The following ABTB2 variants were observed in gnomAD, a reference collection of about 807,000 sequenced individuals.
ABTB2 encodes the protein ankyrin repeat and BTB/POZ domain-containing protein 2.
In ABTB2, 56 loss-of-function variants were observed where a neutral mutation model predicts 104.1. The observed-to-expected ratio is 0.54, with a 90% confidence interval of 0.43 to 0.67. ABTB2 has a LOEUF of 0.67. ABTB2 is among the 30% of genes least tolerant of loss of function. The pLI, the probability that ABTB2 is intolerant of heterozygous loss-of-function variation, is 0.00. For missense variants in ABTB2, 1,279 were observed against 1,407.7 expected, an observed-to-expected ratio of 0.91 and a Z score of 1.46; for synonymous variants, 606 against 608.2, an observed-to-expected ratio of 1.00 and a Z score of 0.05.
chr11:34,316,249 C>T (rs1854928615), intron 1 of ABTB2, among the ~76,000 whole-genome samples: 1 of 152,242 alleles, frequency 6.6e-6, no homozygotes, highest in Non-Finnish European at 1.5e-5. Context: ...CTGGCCATCA[C>T]AGTGGCACGG....
intron 1 of ABTB2, among the ~76,000 whole-genome samples, chr11:34,279,294 G>A (rs1392924702): frequency 6.6e-6 from 1 of 152,124 alleles, no homozygotes; most frequent in African/African-American, 2.4e-5. Flanking sequence ...TAGAGATGGG[G>A]TCTTGCTATG....
rs191023137 is a variant in ABTB2 at position 34,172,948 on chromosome 11, C to T, written c.1397+207G>A. Among the ~76,000 whole-genome samples, 12 of 152,330 alleles carry T rather than the reference C, an allele frequency of 7.9e-5. No homozygotes were observed. The East Asian group carries it at 2.1e-3, about 27-fold the overall frequency. ...GTAGCAGACCAGCAGCTGCAGGAGA[C>T]GTTTCCAGACAGCAGCCAAAGTCTA... On this transcript the variant is annotated intron_variant, in intron 4 of 16. Coordinates refer to ENST00000435224, the MANE Select transcript of ABTB2 (RefSeq NM_145804.3).
intron 1 of ABTB2, among the ~76,000 whole-genome samples, chr11:34,260,219 G>C (rs1455724188): frequency 1.3e-5 from 2 of 152,184 alleles, no homozygotes; most frequent in Non-Finnish European, 2.9e-5. Flanking sequence ...ACCGTTCAGC[G>C]CTTGGAGGCT....
At chr11:34,272,054 G>A (rs1185814633) in intron 1 of ABTB2, among the ~76,000 whole-genome samples, 1 of 152,054 alleles carries the variant, frequency 6.6e-6, no homozygotes, top group Non-Finnish European at 1.5e-5. Flanking sequence ...CTACCCAGTG[G>A]TCATACTACT....
chr11:34,193,781 C>T (rs1257800978), intron 3 of ABTB2, among the ~76,000 whole-genome samples: 1 of 152,262 alleles, frequency 6.6e-6, no homozygotes, highest in African/African-American at 2.4e-5. Flanking sequence ...GCCCCAAAGC[C>T]TGTACTGTTT....
chr11:34,299,386 T>C (rs1487099886), intron 1 of ABTB2, among the ~76,000 whole-genome samples: 2 of 152,200 alleles, frequency 1.3e-5, no homozygotes, highest in African/African-American at 4.8e-5. Context: ...AAGCAAGACG[T>C]TCCTCTGATG....
intron 1 of ABTB2, among the ~76,000 whole-genome samples, chr11:34,235,801 C>A (rs1180966537): frequency 1.1e-4 from 17 of 152,206 alleles, no homozygotes; most frequent in Admixed American, 1.0e-3. Flanking sequence ...CATTAATTAG[C>A]TGCAGGAGGT....
intron 4 of ABTB2, among the ~76,000 whole-genome samples, chr11:34,172,232 C>T (rs10768049): frequency 0.4 from 60,451 of 150,966 alleles, 13,005 homozygotes; most frequent in East Asian, 0.74. Flanking sequence ...ACTACCCAGA[C>T]GTGGTGGTGC....
Position 34,165,393 on chromosome 11 carries a change from G to A in ABTB2, c.1756-37C>T, listed in dbSNP as rs58790884. 1,832 of 1,543,862 alleles carry A rather than the reference G, an allele frequency of 1.2e-3. 18 individuals are homozygous for A. The African/African-American group carries it at 0.022, about 19-fold the overall frequency. Reference sequence around the variant, plus strand: ...ACAGAGGAGGAGGGCACTGCTCAGCGTGGCAGGGAGCACCTGGGAAGGGCC... The same window carrying A: ...ACAGAGGAGGAGGGCACTGCTCAGCATGGCAGGGAGCACCTGGGAAGGGCC... On this transcript the variant is annotated intron_variant, in intron 7 of 16. Transcript: ENST00000435224.
intron 1 of ABTB2, among the ~76,000 whole-genome samples, chr11:34,289,329 G>A (rs145364243): frequency 2.7e-3 from 415 of 152,280 alleles, no homozygotes; most frequent in Middle Eastern, 6.8e-3. Flanking sequence ...TCAGGAGTTC[G>A]CCATGGCACA....
At chr11:34,302,183 T>A (rs1854714822) in intron 1 of ABTB2, among the ~76,000 whole-genome samples, 1 of 152,218 alleles carries the variant, frequency 6.6e-6, no homozygotes, top group Non-Finnish European at 1.5e-5. Flanking sequence ...CAGTTTCTTG[T>A]CTCCACCCTC....
intron 4 of ABTB2, 40 bp downstream of exon 4, chr11:34,173,115 G>A (rs777741392): frequency 2.5e-6 from 4 of 1,612,272 alleles, no homozygotes; most frequent in South Asian, 2.2e-5. Flanking sequence ...CTGGGGGCAG[G>A]TCATGGATGC....
At position 34,204,677 on chromosome 11, in the gene ABTB2, G is replaced by A; in HGVS notation, c.897C>T (p.Leu299=). 1 of 1,613,326 alleles carries A rather than the reference G, an allele frequency of 6.2e-7. No individual in the cohort carries two copies. Among genetic ancestry groups the A allele is most frequent in the Non-Finnish European group, 8.5e-7 (1 of 1,179,728 alleles). Residue 299 remains leucine, a synonymous_variant, in exon 2 of 17, where the codon CTC becomes CTT. Coordinates refer to ENST00000435224, the MANE Select transcript of ABTB2 (RefSeq NM_145804.3). ...CGKNANGVLS[L]PAYFSPYNGG... ...CGTTGTAGGGGCTGAAGTATGCGGG[G>A]AGGGAGAGGACACCTATGGGGAAAG...
At position 34,152,153 on chromosome 11, in the gene ABTB2, T is replaced by G. The variant is rs1426403693; in HGVS notation, c.*234A>C. On this transcript the variant is annotated 3_prime_UTR_variant, in exon 17 of 17. Transcript: ENST00000435224. The stretch of plus-strand genomic sequence containing the variant: ...GCTGCCCTTGAGTTGCAAACTGAGA[T>G]GGGGAGGAGGGCCACCAGTTAGCTA... 1.8e-6 allele frequency: 1 copy of G among 543,198 alleles called. No homozygotes were observed. The highest frequency in any genetic ancestry group is 3.3e-6 in the Non-Finnish European group (1 of 302,774). 33.6% of individuals were successfully genotyped at this position (543,198 alleles called of 1,614,324 possible).
intron 1 of ABTB2, among the ~76,000 whole-genome samples, chr11:34,240,126 T>A (rs575467078): frequency 3.3e-5 from 5 of 152,206 alleles, no homozygotes; most frequent in Admixed American, 6.5e-5. Flanking sequence ...CCCATTTTTT[T>A]CCCCTGGGTT....
chr11:34,213,045 T>C, intron 1 of ABTB2, among the ~76,000 whole-genome samples: 1 of 152,172 alleles, frequency 6.6e-6, no homozygotes, highest in Admixed American at 6.6e-5. Flanking sequence ...CCTCTTGGAA[T>C]CCTTTGGGCC....
chr11:34,341,733 A>G (rs931128675), intron 1 of ABTB2, among the ~76,000 whole-genome samples: 14 of 152,164 alleles, frequency 9.2e-5, no homozygotes, highest in African/African-American at 3.1e-4. Context: ...GCACCACAAG[A>G]TGGAAGTTCT....
At chr11:34,239,691 C>T (rs1182567564) in intron 1 of ABTB2, among the ~76,000 whole-genome samples, 1 of 152,190 alleles carries the variant, frequency 6.6e-6, no homozygotes, top group Non-Finnish European at 1.5e-5. Context: ...GCTATGCAAA[C>T]AGACTGCAAG....
chr11:34,256,584 T>C (rs1453331364), intron 1 of ABTB2, among the ~76,000 whole-genome samples: 1 of 151,934 alleles, frequency 6.6e-6, no homozygotes, highest in East Asian at 1.9e-4. Context: ...GAAGCCAGGG[T>C]TGGGGGAGAA....
Sources: gnomAD v4.1 joint callset for allele counts (sites outside exome capture counted in the v4.1 genomes callset) on GRCh38, gnomAD v4.1.1 for gene constraint, MANE v1.5 for transcripts, NCBI Gene and HGNC (gene_info 2026-07-23, HGNC 2026-07-21) for gene names.